Variants in MGAT4C observed in about 807,000 individuals in gnomAD.
MGAT4C encodes MGAT4 family member C, also known as alpha-1,3-mannosyl-glycoprotein 4-beta-N-acetylglucosaminyltransferase C.
A neutral mutation model predicts 40.1 loss-of-function variants in MGAT4C; 19 were observed. That is an observed-to-expected ratio of 0.47 (90% CI 0.33 to 0.70). MGAT4C has a LOEUF of 0.70. MGAT4C is among the 30% of genes least tolerant of loss of function. The probability of loss-of-function intolerance (pLI) is 0.02; values close to 1 mark genes in which losing one functional copy is unlikely to be tolerated. For missense variants in MGAT4C, 491 were observed against 563.2 expected, an observed-to-expected ratio of 0.87 and a Z score of 1.30; for synonymous variants, 181 against 187.1, an observed-to-expected ratio of 0.97 and a Z score of 0.27.
In MGAT4C at chr12:85,975,983, CTTG is replaced by C. The variant is rs1266498046; in HGVS notation, c.*3303_*3305del. 1.3e-5 allele frequency: 2 copies of C among 150,956 alleles called. No homozygotes were observed. Among genetic ancestry groups the C allele is most frequent in the East Asian group, 1.9e-4 (1 of 5,180 alleles). 9.4% of individuals were successfully genotyped at this position (150,956 alleles called of 1,614,324 possible). ...CTGGTATCATGTTCTTTGCCATAAA[CTTG>C]TTGACAAATTGGCAAATACTGACAT... On this transcript the variant is annotated 3_prime_UTR_variant, in exon 5 of 5. Transcript: ENST00000611864.
chr12:86,412,151 T>C (rs1956619361), intron 3 of MGAT4C, among the ~76,000 whole-genome samples: 1 of 152,162 alleles, frequency 6.6e-6, no homozygotes, highest in Non-Finnish European at 1.5e-5. Flanking sequence ...GGAGAACCTC[T>C]ACCAGGGCAG....
At chr12:86,054,957 T>C (rs1340912067) in intron 1 of MGAT4C, among the ~76,000 whole-genome samples, 1 of 152,052 alleles carries the variant, frequency 6.6e-6, no homozygotes, top group Non-Finnish European at 1.5e-5. Flanking sequence ...TTCCCTTTTC[T>C]TCAGCAAACT....
chr12:86,097,545 G>A (rs1360425265), intron 1 of MGAT4C, among the ~76,000 whole-genome samples: 2 of 151,364 alleles, frequency 1.3e-5, no homozygotes, highest in Non-Finnish European at 3.0e-5. Context: ...CAAAGTTTTT[G>A]GAAGATTTCC....
intron 1 of MGAT4C, among the ~76,000 whole-genome samples, chr12:86,105,770 A>C (rs2135616618): frequency 6.6e-6 from 1 of 152,260 alleles, no homozygotes; most frequent in South Asian, 2.1e-4. Context: ...ATATATTTCT[A>C]CTCCATTAGG....
chr12:86,106,460 C>T (rs958918083), intron 1 of MGAT4C, among the ~76,000 whole-genome samples: 2 of 152,080 alleles, frequency 1.3e-5, no homozygotes, highest in Non-Finnish European at 2.9e-5. Flanking sequence ...GCCAGGATGC[C>T]TGGCTAATTT....
At chr12:86,430,901 A>T (rs2136268714) in intron 3 of MGAT4C, among the ~76,000 whole-genome samples, 1 of 152,340 alleles carries the variant, frequency 6.6e-6, no homozygotes, top group African/African-American at 2.4e-5. Flanking sequence ...AAGTAGGTTT[A>T]GCCCATTTGC....
Position 86,237,704 on chromosome 12 carries a change from C to A in MGAT4C, c.-57+18535G>T, listed in dbSNP as rs12308711. On this transcript the variant is annotated intron_variant, in intron 1 of 4. Coordinates refer to ENST00000611864, the MANE Select transcript of MGAT4C (RefSeq NM_001351288.2). ...TAAGTTCTTTGAAGCTCACAGTCTA[C>A]TTGCAATAAAGTTTTCTGAAAATGT... Among the ~76,000 whole-genome samples, 1,191 of 151,848 alleles carry A rather than the reference C, an allele frequency of 7.8e-3. 20 individuals carry two copies. The highest frequency in any genetic ancestry group is 0.028 in the African/African-American group (1,142 of 41,484).
intron 2 of MGAT4C, among the ~76,000 whole-genome samples, chr12:86,722,259 A>G (rs540170717): frequency 6.6e-6 from 1 of 151,892 alleles, no homozygotes; most frequent in African/African-American, 2.4e-5. Context: ...GCATTGCTAC[A>G]GGCCAGAGAA....
intron 1 of MGAT4C, among the ~76,000 whole-genome samples, chr12:86,791,071 G>A (rs577930415): frequency 1.2e-4 from 18 of 152,134 alleles, no homozygotes; most frequent in South Asian, 2.1e-4. Context: ...CAGAAATTTC[G>A]GTGTGCTCTA....
At chr12:86,302,985 T>C (rs1953851726) in intron 4 of MGAT4C, among the ~76,000 whole-genome samples, 1 of 150,614 alleles carries the variant, frequency 6.6e-6, no homozygotes, top group Non-Finnish European at 1.5e-5. Flanking sequence ...CCCGCACATT[T>C]TGTGAAGACA....
In MGAT4C at chr12:86,420,939, A is replaced by G. The variant is rs115785587; in HGVS notation, c.-120+14218T>C. 3.3e-3 allele frequency among the ~76,000 whole-genome samples: 507 copies of G among 151,536 alleles called. 1 individual carries two copies. Among genetic ancestry groups the G allele is most frequent in the African/African-American group, 0.011 (470 of 41,372 alleles). The stretch of plus-strand genomic sequence containing the variant: ...TATATATACATACATATACATGTGT[A>G]TATATATACTTTTTCTGGTAAAATC... On this transcript the variant is annotated intron_variant, in intron 3 of 7. Transcript: ENST00000548651.
intron 2 of MGAT4C, among the ~76,000 whole-genome samples, chr12:86,718,308 C>A (rs952277756): frequency 6.6e-6 from 1 of 152,086 alleles, no homozygotes; most frequent in Admixed American, 6.6e-5. Context: ...GGTATAAAAG[C>A]CCCAAACAGT....
At chr12:86,789,170 C>T (rs1489592639) in intron 1 of MGAT4C, among the ~76,000 whole-genome samples, 1 of 152,066 alleles carries the variant, frequency 6.6e-6, no homozygotes, top group Non-Finnish European at 1.5e-5. Flanking sequence ...ACACTTCTTG[C>T]TAACATTAAA....
chr12:85,996,912 TA>T (rs1271502803), intron 2 of MGAT4C, among the ~76,000 whole-genome samples: 2 of 152,176 alleles, frequency 1.3e-5, no homozygotes, highest in African/African-American at 4.8e-5. Flanking sequence ...ACAAAACCAG[TA>T]AATGTCAAAA....
chr12:86,019,676 T>A (rs1447536404), intron 2 of MGAT4C, among the ~76,000 whole-genome samples: 1 of 151,386 alleles, frequency 6.6e-6, no homozygotes, highest in Non-Finnish European at 1.5e-5. Flanking sequence ...CAATGTGGGC[T>A]TTTTTTTGGT....
At chr12:86,647,468 G>A (rs1007579873) in intron 2 of MGAT4C, among the ~76,000 whole-genome samples, 2 of 151,874 alleles carry the variant, frequency 1.3e-5, no homozygotes, top group East Asian at 1.9e-4. Context: ...TGATACTGAT[G>A]AAGAGAGCCT....
intron 1 of MGAT4C, among the ~76,000 whole-genome samples, chr12:86,838,169 T>C (rs1258449564): frequency 6.6e-6 from 1 of 152,238 alleles, no homozygotes; most frequent in East Asian, 1.9e-4. Flanking sequence ...TACTGAAGTT[T>C]CTTTAAATTA....
intron 1 of MGAT4C, among the ~76,000 whole-genome samples, chr12:86,799,736 G>T (rs1186379841): frequency 6.6e-6 from 1 of 151,370 alleles, no homozygotes; most frequent in Non-Finnish European, 1.5e-5. Flanking sequence ...TATTTTTATT[G>T]TGGATTGCGG....
intron 4 of MGAT4C, among the ~76,000 whole-genome samples, chr12:86,275,924 CCCCGTCTCTACTAAA>C (rs1329707015): frequency 7.0e-5 from 10 of 142,876 alleles, no homozygotes; most frequent in Admixed American, 5.6e-4. Flanking sequence ...CACGGTGAAA[CCCCGTCTCTACTAAA>C]AATCCAAAAA....
Sources: gnomAD v4.1 joint callset for allele counts (sites outside exome capture counted in the v4.1 genomes callset) on GRCh38, gnomAD v4.1.1 for gene constraint, MANE v1.5 for transcripts, NCBI Gene and HGNC (gene_info 2026-07-23, HGNC 2026-07-21) for gene names.